The following CSMD1 variants were observed in gnomAD, a reference collection of about 807,000 sequenced individuals.
CSMD1 encodes CUB and Sushi multiple domains 1.
Under a neutral mutation model 417.5 loss-of-function variants are expected in CSMD1, and 213 were observed. The ratio of observed to expected loss-of-function variants is 0.51; its 90% CI spans 0.46 to 0.57. The LOEUF (loss-of-function observed/expected upper bound fraction) is 0.57. CSMD1 is among the 20% of genes least tolerant of loss of function. CSMD1 has a pLI of 0.00. For missense variants in CSMD1, 6,923 were observed against 4,529.7 expected (o/e 1.53, Z -15.17); for synonymous variants, 2,862 against 1,736.8 (o/e 1.65, Z -16.11).
intron 52 of CSMD1, among the ~76,000 whole-genome samples, chr8:3,018,173 T>C (rs751803505): frequency 1.3e-5 from 2 of 152,228 alleles, no homozygotes; most frequent in African/African-American, 2.4e-5. Flanking sequence ...AAATGTACAA[T>C]ATTTTTGAAA....
intron 11 of CSMD1, among the ~76,000 whole-genome samples, chr8:3,481,243 G>A (rs1425496559): frequency 1.3e-5 from 2 of 149,500 alleles, no homozygotes; most frequent in African/African-American, 4.9e-5. Context: ...GAAAAGAAAT[G>A]AAGGAGAAAA....
intron 3 of CSMD1, among the ~76,000 whole-genome samples, chr8:4,289,831 T>C (rs973751486): frequency 7.9e-5 from 12 of 152,194 alleles, no homozygotes; most frequent in Non-Finnish European, 1.5e-4. Context: ...ACTAATCTAA[T>C]GTCTGGCTCA....
intron 6 of CSMD1, among the ~76,000 whole-genome samples, chr8:3,715,905 C>G (rs960292051): frequency 8.5e-5 from 13 of 152,230 alleles, no homozygotes; most frequent in Admixed American, 8.5e-4. Context: ...CCTCCACATT[C>G]CTCTGCAGCT....
At chr8:4,666,554 G>C (rs1274948603) in intron 1 of CSMD1, among the ~76,000 whole-genome samples, 5 of 152,114 alleles carry the variant, frequency 3.3e-5, no homozygotes, top group Admixed American at 6.5e-5. Context: ...GACCAATTTT[G>C]GACTTCTGAC....
intron 3 of CSMD1, among the ~76,000 whole-genome samples, chr8:4,096,907 T>A (rs949054419): frequency 6.6e-5 from 10 of 152,192 alleles, no homozygotes; most frequent in Admixed American, 2.6e-4. Context: ...TGCCTCAGTT[T>A]TATACATAAT....
intron 5 of CSMD1, among the ~76,000 whole-genome samples, chr8:3,840,350 A>G (rs1803045699): frequency 6.6e-6 from 1 of 152,192 alleles, no homozygotes; most frequent in Admixed American, 6.5e-5. Flanking sequence ...ATATCCTTGA[A>G]AACTCTAGTG....
chr8:3,303,423 C>T (rs561316453), intron 25 of CSMD1, among the ~76,000 whole-genome samples: 25 of 152,340 alleles, frequency 1.6e-4, no homozygotes, highest in Middle Eastern at 3.4e-3. Flanking sequence ...CGTCAAACCA[C>T]ATGTTACCTT....
chr8:4,340,669 G>C (rs374020724), intron 3 of CSMD1, among the ~76,000 whole-genome samples: 2 of 152,026 alleles, frequency 1.3e-5, no homozygotes, highest in East Asian at 1.9e-4. Context: ...TATTAACCTA[G>C]AGAGTAGGCT....
At chr8:4,727,166 G>A (rs1381306420) in intron 1 of CSMD1, among the ~76,000 whole-genome samples, 2 of 152,104 alleles carry the variant, frequency 1.3e-5, no homozygotes, top group African/African-American at 4.8e-5. Context: ...ATCCACCGTA[G>A]GCCAGTAGCT....
chr8:4,007,852 G>C (rs551851900), intron 4 of CSMD1, among the ~76,000 whole-genome samples: 1 of 152,074 alleles, frequency 6.6e-6, no homozygotes, highest in East Asian at 1.9e-4. Flanking sequence ...AATAGAAGAA[G>C]AAAAGTTTAT....
At chr8:4,621,192 A>C (rs976124670) in intron 2 of CSMD1, among the ~76,000 whole-genome samples, 5 of 152,096 alleles carry the variant, frequency 3.3e-5, no homozygotes, top group African/African-American at 1.2e-4. Context: ...ATAATGAGAA[A>C]TCCTGGGGAT....
At position 3,129,687 on chromosome 8, in the gene CSMD1, A is replaced by T. The variant is rs188054343; in HGVS notation, c.6242-11100T>A. Among the ~76,000 whole-genome samples the T allele has an allele frequency of 6.6e-4, 98 of 147,400 alleles. 1 individual carries two copies. The highest frequency in any genetic ancestry group is 4.0e-3 in the East Asian group (20 of 4,974). ...CTACTCAGCAACAAAACCATTTTTT[A>T]AAAAAAAACTGTGGAGCTGGGCCGG... On this transcript the variant is annotated intron_variant, in intron 41 of 69. Coordinates refer to ENST00000635120, the MANE Select transcript of CSMD1 (RefSeq NM_033225.6).
intron 5 of CSMD1, among the ~76,000 whole-genome samples, chr8:3,916,588 G>A (rs564819567): frequency 1.6e-3 from 246 of 152,168 alleles, no homozygotes; most frequent in African/African-American, 5.8e-3. Context: ...CATTATGTAG[G>A]TGACAATATG....
chr8:3,368,890 C>T (rs2117769632), intron 19 of CSMD1, among the ~76,000 whole-genome samples: 1 of 152,246 alleles, frequency 6.6e-6, no homozygotes, highest in East Asian at 1.9e-4. Flanking sequence ...CAAAAATTGT[C>T]CCAGATATAT....
intron 1 of CSMD1, among the ~76,000 whole-genome samples, chr8:4,962,197 TAA>T (rs368435637): frequency 1.1e-4 from 13 of 121,286 alleles, no homozygotes; most frequent in African/African-American, 3.9e-4. Context: ...GCTTTTTTTT[TAA>T]AAAAAAAAGA....
At chr8:3,372,864 G>T (rs1038787432) in intron 18 of CSMD1, among the ~76,000 whole-genome samples, 1 of 152,170 alleles carries the variant, frequency 6.6e-6, no homozygotes, top group Non-Finnish European at 1.5e-5. Flanking sequence ...GTAGAAATAA[G>T]CTTCCATAGA....
rs115440730 is a variant in CSMD1 at position 3,406,090 on chromosome 8, A to C, written c.2203T>G (p.Ser735Ala). Residue 735 changes from serine to alanine, a missense_variant, in exon 15 of 70, where the codon TCC becomes GCC. Physicochemically the swap from Ser to Ala is moderately conservative, Grantham distance 99. Coordinates refer to ENST00000635120, the MANE Select transcript of CSMD1 (RefSeq NM_033225.6). ...DGFVKTQGSESITCILQDGNV... is the reference protein window; with the variant it reads ...DGFVKTQGSEAITCILQDGNV... ...CCGTCTTGCAGTATGCAGGTAATGG[A>C]CTCGGATCCCTGGGTCTTGACAAAG... 1,229 of 1,613,872 alleles carry C rather than the reference A, an allele frequency of 7.6e-4. 9 individuals carry two copies. In the African/African-American group the frequency reaches 0.015, roughly 19 times the overall value.
chr8:3,224,545 G>C (rs4317599), intron 27 of CSMD1, among the ~76,000 whole-genome samples: 39,449 of 152,002 alleles, frequency 0.26, 5,309 homozygotes, highest in East Asian at 0.31. Context: ...GTTTAAGTGA[G>C]CTCTAAGTAT....
intron 25 of CSMD1, among the ~76,000 whole-genome samples, 180 bp downstream of exon 25, chr8:3,307,515 G>A (rs935806652): frequency 8.5e-5 from 13 of 152,156 alleles, no homozygotes; most frequent in Non-Finnish European, 1.8e-4. Flanking sequence ...CTTAATTAAT[G>A]GTTTCAAGGC....
Sources: allele counts gnomAD v4.1 joint callset (sites outside exome capture counted in the v4.1 genomes callset), GRCh38; gene constraint gnomAD v4.1.1; transcripts MANE v1.5; gene names NCBI Gene and HGNC (gene_info 2026-07-23, HGNC 2026-07-21).